LRFN5: variants seen among roughly 807,000 people sequenced by gnomAD.
LRFN5 encodes leucine-rich repeat and fibronectin type-III domain-containing protein 5.
A neutral mutation model predicts 45.6 loss-of-function variants in LRFN5; 24 were observed. The observed-to-expected ratio is 0.53, with a 90% CI of 0.38 to 0.74. The LOEUF (loss-of-function observed/expected upper bound fraction) is 0.74, where lower values mean the gene tolerates loss of function less well. Ranked by LOEUF, LRFN5 falls within the 30% of genes least tolerant of loss-of-function variation. The probability of loss-of-function intolerance (pLI) is 0.00; values close to 1 mark genes in which losing one functional copy is unlikely to be tolerated. For missense variants in LRFN5, 776 were observed against 861.5 expected (o/e 0.90, Z 1.24); for synonymous variants, 340 against 313.8 (o/e 1.08, Z -0.88).
chr14:41,827,136 A>T (rs1888326475), intron 2 of LRFN5, among the ~76,000 whole-genome samples: 1 of 152,146 alleles, frequency 6.6e-6, no homozygotes, highest in African/African-American at 2.4e-5. Flanking sequence ...GAAATTAATT[A>T]AGATTAATAT....
At chr14:41,700,576 CAGAAAAGAAAAGAGAAGAGA>C (rs1266787257) in intron 1 of LRFN5, 1 of 151,016 alleles carries the variant, frequency 6.6e-6, no homozygotes, top group African/African-American at 2.4e-5. Flanking sequence ...ATGTGTAAGA[CAGAAAAGAAAAGAGAAGAGA>C]AGAAAAGAAA....
intron 2 of LRFN5, among the ~76,000 whole-genome samples, chr14:41,866,848 C>T (rs1196849774): frequency 2.0e-5 from 3 of 152,116 alleles, no homozygotes; most frequent in Non-Finnish European, 4.4e-5. Context: ...AACATAGACA[C>T]ATATCAGTGT....
chr14:41,614,953 G>A (rs1887881809), intron 1 of LRFN5, among the ~76,000 whole-genome samples: 3 of 151,988 alleles, frequency 2.0e-5, no homozygotes, highest in Admixed American at 2.0e-4. Flanking sequence ...ATATAGTCCA[G>A]TGTCTTCAGG....
chr14:41,805,437 T>A (rs1887489309), intron 2 of LRFN5, among the ~76,000 whole-genome samples: 2 of 150,114 alleles, frequency 1.3e-5, no homozygotes, highest in Admixed American at 1.4e-4. Flanking sequence ...TATTATACTT[T>A]AAGTTTTAGG....
intron 2 of LRFN5, among the ~76,000 whole-genome samples, chr14:41,880,195 G>A (rs1890331870): frequency 1.3e-5 from 2 of 151,794 alleles, no homozygotes; most frequent in Admixed American, 6.6e-5. Flanking sequence ...CCAAAGTGCT[G>A]GGATTACAGG....
At position 41,833,758 on chromosome 14, in the gene LRFN5, CAT is replaced by C. The variant is rs572657058; in HGVS notation, c.-20-52845_-20-52844del. 2.5e-3 allele frequency among the ~76,000 whole-genome samples: 384 copies of C among 152,202 alleles called. 1 individual carries two copies. Among genetic ancestry groups the C allele is most frequent in the Middle Eastern group, 6.8e-3 (2 of 294 alleles). ...TCTTAACTTTGTCAAATTATTTTTT[CAT>C]ATGATAACCATCTCCTAGTTTCTCC... is the stretch of plus-strand genomic sequence containing the variant. On this transcript the variant is annotated intron_variant, in intron 2 of 5. Coordinates refer to ENST00000298119, the MANE Select transcript of LRFN5 (RefSeq NM_152447.5).
chr14:41,891,422 A>T lies in LRFN5; in HGVS notation c.1558A>T (p.Met520Leu), dbSNP rs750924222. The change falls in exon 4 of 6, where the codon ATG becomes TTG. Residue 520 changes from methionine (M) to leucine (L), a missense_variant. Around this residue, in one of 2 missense-constraint regions of LRFN5, gnomAD observed 465 missense variants for 456.4 expected, o/e 1.02. Coordinates refer to ENST00000298119, the MANE Select transcript of LRFN5 (RefSeq NM_152447.5). ...TEQDYVRCHF[M>L]QSQFLGGTMI... Reference sequence around the variant, plus strand: ...ACAGGATTATGTGCGTTGCCATTTCATGCAGTCTCAGTTTTTGGGAGGCAC... The same window carrying T: ...ACAGGATTATGTGCGTTGCCATTTCTTGCAGTCTCAGTTTTTGGGAGGCAC... 31 of 1,614,012 alleles carry T rather than the reference A, an allele frequency of 1.9e-5. No individual in the cohort carries two copies. The Middle Eastern group carries it at 4.9e-4, about 26-fold the overall frequency.
At chr14:41,730,190 T>G (rs536917932) in intron 1 of LRFN5, among the ~76,000 whole-genome samples, 1 of 152,172 alleles carries the variant, frequency 6.6e-6, no homozygotes, top group East Asian at 1.9e-4. Flanking sequence ...TAGACAAAAA[T>G]AGACTGCTTT....
chr14:41,664,319 C>T (rs966997030), intron 1 of LRFN5, among the ~76,000 whole-genome samples: 1 of 151,796 alleles, frequency 6.6e-6, no homozygotes, highest in Non-Finnish European at 1.5e-5. Flanking sequence ...TAACAGATGA[C>T]ACAGGATATT....
At chr14:41,734,007 A>G (rs1430539333) in intron 1 of LRFN5, among the ~76,000 whole-genome samples, 2 of 132,350 alleles carry the variant, frequency 1.5e-5, no homozygotes, top group Non-Finnish European at 3.2e-5. Flanking sequence ...GTATATATAT[A>G]TTTTTTCTTT....
chr14:41,749,460 G>A (rs902502245), intron 1 of LRFN5, among the ~76,000 whole-genome samples: 9 of 152,086 alleles, frequency 5.9e-5, no homozygotes, highest in African/African-American at 2.2e-4. Flanking sequence ...TATACACTAC[G>A]AAATATTATA....
At chr14:41,674,241 G>C (rs1461562741) in intron 1 of LRFN5, among the ~76,000 whole-genome samples, 10 of 125,662 alleles carry the variant, frequency 8.0e-5, no homozygotes, top group Admixed American at 6.1e-4. Context: ...GCGGCTGGCC[G>C]GGCAGAGGGG....
chr14:41,769,454 G>GCATTTCAAAAGCA (rs1686577110), intron 2 of LRFN5, among the ~76,000 whole-genome samples: 1 of 152,038 alleles, frequency 6.6e-6, no homozygotes, highest in African/African-American at 2.4e-5. Flanking sequence ...GTGCCTGTAG[G>GCATTTCAAAAGCA]TACATGCTTT....
At chr14:41,736,128 G>A (rs1290560424) in intron 1 of LRFN5, among the ~76,000 whole-genome samples, 1 of 152,104 alleles carries the variant, frequency 6.6e-6, no homozygotes, top group Non-Finnish European at 1.5e-5. Flanking sequence ...CCCAGCAATG[G>A]GATCACTGGG....
At chr14:41,625,567 A>G (rs1888301274) in intron 1 of LRFN5, among the ~76,000 whole-genome samples, 1 of 152,192 alleles carries the variant, frequency 6.6e-6, no homozygotes, top group South Asian at 2.1e-4. Flanking sequence ...GTAATAGTAT[A>G]CAGGTATGGC....
intron 2 of LRFN5, among the ~76,000 whole-genome samples, chr14:41,780,828 C>T (rs1356491492): frequency 6.6e-6 from 1 of 151,778 alleles, no homozygotes; most frequent in East Asian, 1.9e-4. Flanking sequence ...TGTATTAATT[C>T]TACTTCAAAA....
At chr14:41,674,305 C>A (rs1183797895) in intron 1 of LRFN5, among the ~76,000 whole-genome samples, 2 of 127,168 alleles carry the variant, frequency 1.6e-5, no homozygotes, top group Non-Finnish European at 3.3e-5. Flanking sequence ...ACCTCCCGGA[C>A]GGGGCGGCTG....
chr14:41,606,954 GC>G lies in LRFN5; in HGVS notation c.-1804del, dbSNP rs1371787720. Among the ~76,000 whole-genome samples, 1 of 151,970 alleles carries G rather than the reference GC, an allele frequency of 6.6e-6. No homozygotes were observed. The highest frequency in any genetic ancestry group is 1.9e-4 in the East Asian group (1 of 5,156). ...GAGGCCGCCGTTGCCCACACGCGAC[GC>G]TTTGGGAAGCCCAGCTCCCGGGTCC... On this transcript the variant is annotated 5_prime_UTR_variant, in exon 1 of 6. The change abolishes the stop of an existing upstream ORF in the 5' untranslated region. Coordinates refer to ENST00000298119, the MANE Select transcript of LRFN5 (RefSeq NM_152447.5).
At chr14:41,892,321 A>ATATG (rs1484251967) in intron 4 of LRFN5, 8 of 962,024 alleles carry the variant, frequency 8.3e-6, no homozygotes, top group East Asian at 1.1e-4. Flanking sequence ...ATAACTATAT[A>ATATG]TATGTATGTA....
Sources: gnomAD v4.1 joint callset for allele counts (sites outside exome capture counted in the v4.1 genomes callset) on GRCh38, gnomAD v4.1.1 for gene constraint, gnomAD v4.1.1 regional missense constraint, MANE v1.5 for transcripts, NCBI Gene and HGNC (gene_info 2026-07-23, HGNC 2026-07-21) for gene names.